Variants in ZNF503 observed in about 807,000 individuals in gnomAD.
ZNF503 encodes zinc finger protein 503.
A neutral mutation model predicts 34.4 loss-of-function variants in ZNF503; 15 were observed. That is an observed-to-expected ratio of 0.44 (90% confidence interval 0.29 to 0.67). The LOEUF (loss-of-function observed/expected upper bound fraction) is 0.67, where lower values mean the gene tolerates loss of function less well. ZNF503 is among the 30% of genes least tolerant of loss of function. The pLI, the probability that ZNF503 is intolerant of heterozygous loss-of-function variation, is 0.13. For missense variants in ZNF503, 1,007 were observed against 926.8 expected, an observed-to-expected ratio of 1.09 and a Z score of -1.12; for synonymous variants, 580 against 456.8, an observed-to-expected ratio of 1.27 and a Z score of -3.44.
At chr10:75,292,368 C>T in the ZNF503 span, among the ~76,000 whole-genome samples, 1 of 152,256 alleles carries the variant, frequency 6.6e-6, no homozygotes, top group South Asian at 2.1e-4. Flanking sequence ...CATTGACTCA[C>T]TTGTTGGGAA....
the ZNF503 span, among the ~76,000 whole-genome samples, chr10:75,355,632 G>A: frequency 6.6e-6 from 1 of 152,118 alleles, no homozygotes; most frequent in African/African-American, 2.4e-5. Context: ...TTCTTCAGTT[G>A]GTCAATGATC....
At chr10:75,282,657 T>C in the ZNF503 span, among the ~76,000 whole-genome samples, 2 of 152,168 alleles carry the variant, frequency 1.3e-5, no homozygotes, top group African/African-American at 4.8e-5. Context: ...CCTGCTTCCA[T>C]CCTTGAAGGA....
At chr10:75,347,412 C>G in the ZNF503 span, among the ~76,000 whole-genome samples, 2 of 152,236 alleles carry the variant, frequency 1.3e-5, no homozygotes, top group Admixed American at 6.5e-5. Flanking sequence ...CGCGGAAGCC[C>G]GAGAAGTGTG....
In ZNF503 at chr10:75,399,798, G is replaced by C. The variant is rs763987409; in HGVS notation, c.892C>G (p.Pro298Ala). The change falls in exon 2 of 2, where the codon CCG (proline) becomes GCG (alanine). Residue 298 changes from proline to alanine, a missense_variant. Pro to Ala is a conservative substitution (Grantham distance 27). Coordinates refer to ENST00000372524, the MANE Select transcript of ZNF503 (RefSeq NM_032772.6). ...GCCTTGCCTCCCGGGCCCCCATCCG[G>C]ATGCTGGTTCACATCCACATTAATC... ...GGINVDVNQHPDGGPGGKALG... is the reference protein window; with the variant it reads ...GGINVDVNQHADGGPGGKALG... 2.5e-6 allele frequency: 4 copies of C among 1,599,966 alleles called. No individual in the cohort carries two copies. Among genetic ancestry groups the C allele is most frequent in the East Asian group, 2.3e-5 (1 of 44,376 alleles).
At chr10:75,286,697 G>T in the ZNF503 span, among the ~76,000 whole-genome samples, 1 of 152,198 alleles carries the variant, frequency 6.6e-6, no homozygotes, top group Non-Finnish European at 1.5e-5. Context: ...CCAGTATATG[G>T]TCAGTGTTGC....
chr10:75,392,551 C>T, the ZNF503 span, among the ~76,000 whole-genome samples: 1 of 152,088 alleles, frequency 6.6e-6, no homozygotes, highest in Non-Finnish European at 1.5e-5. Flanking sequence ...ATGATGGGTG[C>T]CATCCATCAG....
the ZNF503 span, among the ~76,000 whole-genome samples, chr10:75,314,236 C>CAAAAAAAAAAAAAAAA: frequency 1.1e-5 from 1 of 89,808 alleles, no homozygotes; most frequent in East Asian, 3.3e-4. Flanking sequence ...GACTCCGTCT[C>CAAAAAAAAAAAAAAAA]AAAAAAAAAA....
At chr10:75,309,553 AT>A in the ZNF503 span, among the ~76,000 whole-genome samples, 1 of 152,076 alleles carries the variant, frequency 6.6e-6, no homozygotes, top group Non-Finnish European at 1.5e-5. Flanking sequence ...GATCATTAAC[AT>A]TTTTTAGCAA....
chr10:75,363,201 C>T, the ZNF503 span, among the ~76,000 whole-genome samples: 2 of 152,230 alleles, frequency 1.3e-5, no homozygotes, highest in Admixed American at 1.3e-4. Context: ...CTTTACCCCA[C>T]AGCTAGGCTT....
the ZNF503 span, chr10:75,382,290 C>T: frequency 8.2e-6 from 2 of 244,304 alleles, no homozygotes; most frequent in Non-Finnish European, 1.7e-5. Context: ...TGTTATTTCA[C>T]AACATCAAAT....
the ZNF503 span, among the ~76,000 whole-genome samples, chr10:75,311,074 C>A: frequency 5.9e-5 from 9 of 152,086 alleles, no homozygotes; most frequent in Non-Finnish European, 4.4e-5. Flanking sequence ...TATTGACTCA[C>A]ACAATCAGAA....
chr10:75,311,406 T>G, the ZNF503 span, among the ~76,000 whole-genome samples: 7 of 152,066 alleles, frequency 4.6e-5, no homozygotes, highest in African/African-American at 1.4e-4. Context: ...CATCCTTCAA[T>G]CCAATCAAAT....
At chr10:75,396,009 G>C (rs1294036347), downstream of ZNF503, among the ~76,000 whole-genome samples, 1 of 152,184 alleles carries the variant, frequency 6.6e-6, no homozygotes, top group Admixed American at 6.5e-5. This position sits in a 1 kb window ranked among gnomAD's most constrained non-coding sequence, Gnocchi z 4.4. Flanking sequence ...ACAGCCTGTG[G>C]GTCGCAGTGG....
At chr10:75,345,496 G>A in the ZNF503 span, among the ~76,000 whole-genome samples, 8 of 151,586 alleles carry the variant, frequency 5.3e-5, no homozygotes, top group Non-Finnish European at 7.4e-5. Flanking sequence ...TTAGCCAGGC[G>A]TTGTGGTGGG....
At chr10:75,332,591 T>C in the ZNF503 span, among the ~76,000 whole-genome samples, 1 of 144,742 alleles carries the variant, frequency 6.9e-6, no homozygotes, top group East Asian at 2.0e-4. Flanking sequence ...TGAACAAAGG[T>C]CTCTGGTTTT....
At chr10:75,374,493 C>A in the ZNF503 span, among the ~76,000 whole-genome samples, 1 of 152,268 alleles carries the variant, frequency 6.6e-6, no homozygotes, top group East Asian at 1.9e-4. Flanking sequence ...ACCCTCTTGT[C>A]CTAGAACAGC....
chr10:75,358,892 C>G, the ZNF503 span: 2 of 152,360 alleles, frequency 1.3e-5, no homozygotes, highest in African/African-American at 4.8e-5. Flanking sequence ...TTTCCCCTCC[C>G]AACACGAAGC....
chr10:75,285,960 A>C, the ZNF503 span, among the ~76,000 whole-genome samples: 1 of 152,104 alleles, frequency 6.6e-6, no homozygotes, highest in Non-Finnish European at 1.5e-5. Flanking sequence ...GGGCTCAGCC[A>C]TAGGAATAGG....
the ZNF503 span, among the ~76,000 whole-genome samples, chr10:75,354,397 G>A: frequency 3.3e-5 from 5 of 152,200 alleles, no homozygotes; most frequent in African/African-American, 1.2e-4. Flanking sequence ...TAGAAAGCCT[G>A]AATAATCCTA....
Sources: gnomAD v4.1 joint callset for allele counts (sites outside exome capture counted in the v4.1 genomes callset) on GRCh38, gnomAD v4.1.1 for gene constraint, Gnocchi (gnomAD v3.1) non-coding constraint, MANE v1.5 for transcripts, NCBI Gene and HGNC (gene_info 2026-07-23, HGNC 2026-07-21) for gene names.